Variants in BAZ1B observed in about 807,000 individuals in gnomAD.
BAZ1B encodes tyrosine-protein kinase BAZ1B.
Under a neutral mutation model 153.8 loss-of-function variants are expected in BAZ1B, and 22 were observed. The ratio of observed to expected loss-of-function variants is 0.14; its 90% confidence interval spans 0.10 to 0.20. The LOEUF (loss-of-function observed/expected upper bound fraction) is 0.20, where lower values mean the gene tolerates loss of function less well. Among genes scored for constraint, BAZ1B ranks in the 10% least tolerant of loss-of-function variants. The pLI is 1.00. For missense variants in BAZ1B, 1,325 were observed against 1,799.3 expected, an observed-to-expected ratio of 0.74 and a Z score of 4.77; for synonymous variants, 676 against 633.4, an observed-to-expected ratio of 1.07 and a Z score of -1.01.
chr7:73,470,204 A>C (rs1369331220), intron 8 of BAZ1B, 141 bp downstream of exon 8: 5 of 989,590 alleles, frequency 5.1e-6, no homozygotes, highest in African/African-American at 3.3e-5. Flanking sequence ...AATATTCAAT[A>C]ATCATCAACA....
rs979527396 is a variant in BAZ1B at position 73,450,635 on chromosome 7, T to C, written c.3580+212A>G. 4.6e-5 allele frequency among the ~76,000 whole-genome samples: 7 copies of C among 152,216 alleles called. No individual in the cohort carries two copies. The highest frequency in any genetic ancestry group is 3.9e-4 in the Admixed American group (6 of 15,282). On this transcript the variant is annotated intron_variant, in intron 14 of 19. Coordinates refer to ENST00000339594, the MANE Select transcript of BAZ1B (RefSeq NM_032408.4). This position sits in a 1 kb window ranked among gnomAD's most constrained non-coding sequence, Gnocchi z 4.1. ...AGATTGAAGAGATCAATTGCTTTTATGTTATGCTCTAAACCGAGGAACAAA... is the reference window on the plus strand; with the variant it reads ...AGATTGAAGAGATCAATTGCTTTTACGTTATGCTCTAAACCGAGGAACAAA...
In BAZ1B at chr7:73,489,396, G is replaced by A. The variant is rs1319741979; in HGVS notation, c.694-5C>T. The A allele has an allele frequency of 1.2e-6, 2 of 1,613,840 alleles. No homozygotes were observed. Among genetic ancestry groups the A allele is most frequent in the East Asian group, 2.2e-5 (1 of 44,886 alleles). On this transcript the variant is annotated splice_region_variant and splice_polypyrimidine_tract_variant and intron_variant, in intron 5 of 19. Transcript: ENST00000339594. The stretch of plus-strand genomic sequence containing the variant: ...TGCTGGCACGTTACTGATGATCTAG[G>A]TTAAAAAGAAACAAATAACTCACCA...
intron 6 of BAZ1B, among the ~76,000 whole-genome samples, chr7:73,480,367 CATG>C (rs1789155356): frequency 6.6e-6 from 1 of 152,014 alleles, no homozygotes; most frequent in Non-Finnish European, 1.5e-5. Flanking sequence ...GTCCATTTGT[CATG>C]ATACCACTGC....
rs1787674335 is a variant in BAZ1B, at chr7:73,442,737, C to G, written c.4082G>C (p.Ser1361Thr). 1 of 1,614,068 alleles carries G rather than the reference C, an allele frequency of 6.2e-7. No homozygotes were observed. ...ILHKIVKYRF[S>T]WPFREPVTRD... ...ACACAGCACTCACCTGAAGGGCCAG[C>G]TGAAGCGGTACTTCACGATCTTGTG... The change falls in exon 18 of 20, where the codon AGC (serine) becomes ACC (threonine). Residue 1361 changes from serine to threonine, a missense_variant. By Grantham distance (58) the Ser-to-Thr change is moderately conservative. Coordinates refer to ENST00000339594, the MANE Select transcript of BAZ1B (RefSeq NM_032408.4).
At chr7:73,496,010 AAAAT>A (rs1411801854) in intron 4 of BAZ1B, among the ~76,000 whole-genome samples, 3 of 152,200 alleles carry the variant, frequency 2.0e-5, no homozygotes, top group Admixed American at 6.6e-5. Flanking sequence ...TAAACGTTAA[AAAAT>A]AAATAAATAT....
chr7:73,484,575 C>A (rs932730714), intron 6 of BAZ1B, among the ~76,000 whole-genome samples: 14 of 152,110 alleles, frequency 9.2e-5, no homozygotes, highest in Admixed American at 3.9e-4. Context: ...GCCCAGAGGT[C>A]AAGACTGCAG....
intron 7 of BAZ1B, among the ~76,000 whole-genome samples, chr7:73,474,155 G>A (rs969961427): frequency 1.3e-5 from 2 of 151,980 alleles, no homozygotes; most frequent in Non-Finnish European, 2.9e-5. Context: ...TATGATTTTT[G>A]ACAAGCGTAT....
At chr7:73,452,578 C>T (rs1330960551) in intron 13 of BAZ1B, among the ~76,000 whole-genome samples, 1 of 151,792 alleles carries the variant, frequency 6.6e-6, no homozygotes, top group African/African-American at 2.4e-5. Flanking sequence ...AAAAATTAGG[C>T]GGGTGTGGTG....
chr7:73,454,963 C>T (rs1320861553), intron 13 of BAZ1B, among the ~76,000 whole-genome samples: 3 of 152,046 alleles, frequency 2.0e-5, no homozygotes, highest in African/African-American at 7.2e-5. Flanking sequence ...TCAAGTGATT[C>T]TCATGCCTCA....
At chr7:73,499,666 C>T (rs1790049203) in intron 3 of BAZ1B, among the ~76,000 whole-genome samples, 1 of 152,240 alleles carries the variant, frequency 6.6e-6, no homozygotes, top group African/African-American at 2.4e-5. Flanking sequence ...AGTGCCACCA[C>T]ACTCCGGCCT....
intron 4 of BAZ1B, among the ~76,000 whole-genome samples, chr7:73,495,947 C>T (rs1789861675): frequency 6.6e-6 from 1 of 152,102 alleles, no homozygotes; most frequent in African/African-American, 2.4e-5. Context: ...TGCAACCAAG[C>T]CCTATGACAC....
chr7:73,448,006 C>A (rs565130368), intron 15 of BAZ1B, among the ~76,000 whole-genome samples: 1 of 152,220 alleles, frequency 6.6e-6, no homozygotes, highest in Non-Finnish European at 1.5e-5. Flanking sequence ...CAGCTCTGCC[C>A]CTTAGAAGGA....
intron 1 of BAZ1B, among the ~76,000 whole-genome samples, chr7:73,521,004 T>C (rs752300955): frequency 6.6e-5 from 10 of 152,206 alleles, no homozygotes; most frequent in Admixed American, 1.3e-4. Flanking sequence ...AGATAATGCT[T>C]ATGCAAGAAA....
intron 3 of BAZ1B, among the ~76,000 whole-genome samples, chr7:73,502,686 G>C (rs1319437076): frequency 2.0e-5 from 3 of 152,194 alleles, no homozygotes; most frequent in African/African-American, 7.2e-5. Flanking sequence ...ATTGAGGTGG[G>C]AGGATGGCTT....
intron 7 of BAZ1B, among the ~76,000 whole-genome samples, chr7:73,476,241 C>T (rs1026724267): frequency 1.3e-5 from 2 of 152,126 alleles, no homozygotes; most frequent in African/African-American, 4.8e-5. Flanking sequence ...AATGGTTGTA[C>T]ATTATCTGTG....
chr7:73,478,921 T>A (rs539240821), intron 6 of BAZ1B, among the ~76,000 whole-genome samples: 65 of 152,308 alleles, frequency 4.3e-4, no homozygotes, highest in Middle Eastern at 3.4e-3. Flanking sequence ...AATCCATCCA[T>A]GGACCCCAGA....
chr7:73,465,356 T>A, intron 11 of BAZ1B, 83 bp downstream of exon 11: 2 of 916,742 alleles, frequency 2.2e-6, no homozygotes, highest in Non-Finnish European at 3.2e-6. Flanking sequence ...GTAACTTAAA[T>A]GGATAAGAAA....
At chr7:73,510,654 C>T (rs1374714460) in intron 2 of BAZ1B, 82 bp downstream of exon 2, 1 of 1,329,440 alleles carries the variant, frequency 7.5e-7, no homozygotes, top group Non-Finnish European at 1.1e-6. Context: ...AACTTAAATA[C>T]ACATACTGCT....
chr7:73,498,307 CTTAA>C (rs1268431039), intron 4 of BAZ1B, among the ~76,000 whole-genome samples, 186 bp downstream of exon 4: 16 of 152,030 alleles, frequency 1.1e-4, no homozygotes, highest in African/African-American at 3.6e-4. Flanking sequence ...TCCCAATGGT[CTTAA>C]TTATTTAGGG....
Sources: gnomAD v4.1 joint callset for allele counts (sites outside exome capture counted in the v4.1 genomes callset) on GRCh38, gnomAD v4.1.1 for gene constraint, Gnocchi (gnomAD v3.1) non-coding constraint, MANE v1.5 for transcripts, NCBI Gene and HGNC (gene_info 2026-07-23, HGNC 2026-07-21) for gene names.